The following FER variants were observed in gnomAD, a reference collection of about 807,000 sequenced individuals.
FER encodes tyrosine-protein kinase Fer.
A neutral mutation model predicts 111.0 loss-of-function variants in FER; 63 were observed. The ratio of observed to expected loss-of-function variants is 0.57; its 90% CI spans 0.46 to 0.70. The LOEUF is 0.70. Ranked by LOEUF, FER falls within the 30% of genes least tolerant of loss-of-function variation. FER has a pLI of 0.00. For missense variants in FER, 914 were observed against 954.0 expected (o/e 0.96, Z 0.55); for synonymous variants, 327 against 313.9 (o/e 1.04, Z -0.44).
At chr5:108,924,338 C>T (rs1187601753) in intron 10 of FER, among the ~76,000 whole-genome samples, 2 of 132,054 alleles carry the variant, frequency 1.5e-5, no homozygotes, top group Admixed American at 8.6e-5. Flanking sequence ...CCAGCCTGGG[C>T]GACAAGAGCG....
chr5:108,869,895 C>T (rs189354151), intron 6 of FER, among the ~76,000 whole-genome samples: 4 of 152,132 alleles, frequency 2.6e-5, no homozygotes, highest in African/African-American at 9.6e-5. Context: ...CCTCCATATT[C>T]ACATAAGAAG....
At chr5:108,836,546 T>C (rs1760680134) in intron 5 of FER, among the ~76,000 whole-genome samples, 1 of 152,196 alleles carries the variant, frequency 6.6e-6, no homozygotes, top group Non-Finnish European at 1.5e-5. Flanking sequence ...GTTTTGTTAA[T>C]TTTCTTTCTA....
At chr5:108,855,322 A>T (rs1227981850) in intron 5 of FER, among the ~76,000 whole-genome samples, 24 of 152,188 alleles carry the variant, frequency 1.6e-4, no homozygotes, top group Non-Finnish European at 7.3e-5. Flanking sequence ...AGTCAGCGAA[A>T]TAAAGAGTTA....
At chr5:109,040,245 A>G (rs1178539426) in intron 14 of FER, among the ~76,000 whole-genome samples, 2 of 152,118 alleles carry the variant, frequency 1.3e-5, no homozygotes, top group Non-Finnish European at 2.9e-5. Flanking sequence ...AGTTGTTAGT[A>G]TATAGCTGGT....
intron 8 of FER, among the ~76,000 whole-genome samples, chr5:108,873,992 A>G (rs1026573513): frequency 1.3e-5 from 2 of 152,200 alleles, no homozygotes; most frequent in East Asian, 1.9e-4. Context: ...TGGTGAAGGA[A>G]TATGACATAG....
chr5:109,012,059 AG>A (rs1371023080), intron 13 of FER, among the ~76,000 whole-genome samples: 3 of 152,182 alleles, frequency 2.0e-5, no homozygotes, highest in African/African-American at 7.2e-5. Context: ...CCTTGATCAA[AG>A]TAACCATCTC....
intron 12 of FER, among the ~76,000 whole-genome samples, chr5:108,957,818 C>G (rs1218217590): frequency 6.6e-6 from 1 of 151,500 alleles, no homozygotes; most frequent in Non-Finnish European, 1.5e-5. Flanking sequence ...CTCTTTTACT[C>G]TGTGAGGAGG....
At chr5:108,749,524 A>G (rs79243757) in intron 1 of FER, among the ~76,000 whole-genome samples, 11,333 of 152,036 alleles carry the variant, frequency 0.075, 504 homozygotes, top group South Asian at 0.092. Flanking sequence ...AACCCCTGGT[A>G]TTCCCCCCAT....
chr5:108,775,632 G>A (rs1396444), intron 2 of FER, among the ~76,000 whole-genome samples: 36,330 of 152,006 alleles, frequency 0.24, 4,622 homozygotes, highest in African/African-American at 0.32. Flanking sequence ...ATCATCATGC[G>A]TTAATGTTGC....
intron 13 of FER, among the ~76,000 whole-genome samples, chr5:108,996,148 A>G (rs1763952561): frequency 6.6e-6 from 1 of 152,120 alleles, no homozygotes; most frequent in Non-Finnish European, 1.5e-5. Context: ...TTCATTGTAG[A>G]TTCTGGATAT....
At chr5:109,147,201 A>G (rs1477655060) in intron 17 of FER, among the ~76,000 whole-genome samples, 1 of 152,136 alleles carries the variant, frequency 6.6e-6, no homozygotes, top group African/African-American at 2.4e-5. Flanking sequence ...AAAATTGAAT[A>G]GTCATTAAAG....
chr5:109,015,867 C>T (rs2149815557), intron 13 of FER, among the ~76,000 whole-genome samples: 1 of 152,080 alleles, frequency 6.6e-6, no homozygotes, highest in Non-Finnish European at 1.5e-5. Context: ...TCCACCTCCT[C>T]ATTCCCCTCC....
intron 17 of FER, among the ~76,000 whole-genome samples, chr5:109,114,943 G>A (rs966106073): frequency 2.0e-5 from 3 of 151,788 alleles, no homozygotes; most frequent in Non-Finnish European, 2.9e-5. Context: ...TTAGCCATTC[G>A]AGTATATAGA....
chr5:108,813,429 C>T (rs1757967180), intron 3 of FER, among the ~76,000 whole-genome samples: 1 of 152,094 alleles, frequency 6.6e-6, no homozygotes, highest in African/African-American at 2.4e-5. Flanking sequence ...CAGTTTTCAT[C>T]AACTTTGGAA....
chr5:109,124,498 A>G (rs549575497), intron 17 of FER, among the ~76,000 whole-genome samples: 2 of 152,338 alleles, frequency 1.3e-5, no homozygotes, highest in East Asian at 3.9e-4. Flanking sequence ...CTCTGTATTC[A>G]GAAAAGTATC....
intron 5 of FER, among the ~76,000 whole-genome samples, chr5:108,866,505 C>T (rs1167487923): frequency 6.6e-6 from 1 of 151,830 alleles, no homozygotes; most frequent in Non-Finnish European, 1.5e-5. Flanking sequence ...TTAATGGGTG[C>T]CACACACCAA....
chr5:108,865,277 A>G (rs567070917), intron 5 of FER, among the ~76,000 whole-genome samples: 1 of 152,170 alleles, frequency 6.6e-6, no homozygotes, highest in South Asian at 2.1e-4. Context: ...GGTTTTCTAA[A>G]TAAACAATCA....
chr5:108,982,331 TGTA>T (rs1762098891), intron 13 of FER, among the ~76,000 whole-genome samples: 1 of 152,142 alleles, frequency 6.6e-6, no homozygotes, highest in Admixed American at 6.6e-5. Flanking sequence ...AGTAGGAGTT[TGTA>T]GTAAAAGCAC....
chr5:109,051,942 C>G, intron 16 of FER: 4 of 1,585,742 alleles, frequency 2.5e-6, no homozygotes, highest in Non-Finnish European at 1.7e-6. Context: ...AGATGTACCA[C>G]TGGATCAGCA....
Sources: gnomAD v4.1 joint callset for allele counts (sites outside exome capture counted in the v4.1 genomes callset) on GRCh38, gnomAD v4.1.1 for gene constraint, MANE v1.5 for transcripts, NCBI Gene and HGNC (gene_info 2026-07-23, HGNC 2026-07-21) for gene names.